Variants in ORC4 observed in about 807,000 individuals in gnomAD.
The protein encoded by ORC4 is origin recognition complex, subunit 4 homolog.
A neutral mutation model predicts 63.9 loss-of-function variants in ORC4; 55 were observed. The ratio of observed to expected loss-of-function variants is 0.86; its 90% CI spans 0.69 to 1.08. The LOEUF (loss-of-function observed/expected upper bound fraction) is 1.08, where lower values mean the gene tolerates loss of function less well. Among genes scored for constraint, ORC4 ranks in the 50% least tolerant of loss-of-function variants. ORC4 has a pLI of 0.00. For synonymous variants in ORC4, 150 were observed against 168.5 expected (o/e 0.89, Z 0.85); for missense variants, 511 against 504.4 (o/e 1.01, Z -0.13).
intron 11 of ORC4, 134 bp from the exon 12 acceptor site, chr2:147,938,527 A>G: frequency 4.7e-6 from 3 of 640,488 alleles, no homozygotes; most frequent in Non-Finnish European, 8.4e-6. Flanking sequence ...TCTAGATTTC[A>G]ATGTGTTTCA....
At chr2:147,994,993 G>A (rs1458016884) in intron 1 of ORC4, among the ~76,000 whole-genome samples, 1 of 152,200 alleles carries the variant, frequency 6.6e-6, no homozygotes, top group African/African-American at 2.4e-5. Context: ...CTAGAGGACT[G>A]TAAATGCACC....
At chr2:147,987,849 C>G (rs550298782) in intron 1 of ORC4, among the ~76,000 whole-genome samples, 4 of 151,846 alleles carry the variant, frequency 2.6e-5, no homozygotes, top group Admixed American at 1.3e-4. Flanking sequence ...GTGAGGAGAT[C>G]GAGACCATCC....
At chr2:147,975,303 C>T (rs1690484182) in intron 2 of ORC4, among the ~76,000 whole-genome samples, 1 of 151,996 alleles carries the variant, frequency 6.6e-6, no homozygotes, top group Non-Finnish European at 1.5e-5. Flanking sequence ...AAACACTCAA[C>T]AGATGAGGAA....
intron 4 of ORC4, among the ~76,000 whole-genome samples, chr2:147,966,694 AG>A (rs1382101496): frequency 2.0e-5 from 3 of 152,174 alleles, no homozygotes; most frequent in Non-Finnish European, 4.4e-5. Flanking sequence ...ACAAATAATG[AG>A]GTAGAATCAG....
intron 11 of ORC4, 101 bp downstream of exon 11, chr2:147,939,039 T>TA: frequency 2.7e-6 from 2 of 749,468 alleles, no homozygotes; most frequent in Non-Finnish European, 4.8e-6. Flanking sequence ...AAGTATTTTA[T>TA]AAAGCATTAT....
upstream of ORC4, chr2:148,021,429 G>T: frequency 1.8e-6 from 1 of 547,848 alleles, no homozygotes. Flanking sequence ...GAAACCAAAA[G>T]CCTCTTAGCA....
At chr2:147,994,620 A>G (rs1691820381) in intron 1 of ORC4, among the ~76,000 whole-genome samples, 1 of 152,250 alleles carries the variant, frequency 6.6e-6, no homozygotes. Flanking sequence ...TGGTAATGGA[A>G]AAACTAGACA....
chr2:147,980,345 A>G (rs1690808690), intron 1 of ORC4, among the ~76,000 whole-genome samples: 2 of 152,194 alleles, frequency 1.3e-5, no homozygotes, highest in Non-Finnish European at 2.9e-5. Context: ...TTTAAAGAAT[A>G]TGGGATATGT....
chr2:147,969,696 T>C (rs933522916), intron 4 of ORC4, among the ~76,000 whole-genome samples: 1 of 151,902 alleles, frequency 6.6e-6, no homozygotes, highest in African/African-American at 2.4e-5. Flanking sequence ...AATATTCTAA[T>C]ATTGGATATT....
At chr2:147,972,891 A>G (rs1208792066) in intron 3 of ORC4, 62 bp from the exon 4 acceptor site, 1 of 1,091,998 alleles carries the variant, frequency 9.2e-7, no homozygotes, top group African/African-American at 1.6e-5. Context: ...GTTATGTTGT[A>G]GTTTTTAAAA....
intron 4 of ORC4, among the ~76,000 whole-genome samples, chr2:147,968,107 T>G (rs917434165): frequency 1.3e-5 from 2 of 152,034 alleles, no homozygotes; most frequent in Non-Finnish European, 2.9e-5. Context: ...AGAATTAAAC[T>G]AGATTCCCAT....
At chr2:147,937,102 A>C (rs1261814262) in intron 13 of ORC4, 1 of 152,070 alleles carries the variant, frequency 6.6e-6, no homozygotes, top group Non-Finnish European at 1.5e-5. Flanking sequence ...TATTAGGGGA[A>C]AAAAACCCTC....
At chr2:147,972,569 A>G (rs1187802513) in intron 4 of ORC4, among the ~76,000 whole-genome samples, 170 bp downstream of exon 4, 1 of 152,132 alleles carries the variant, frequency 6.6e-6, no homozygotes, top group Non-Finnish European at 1.5e-5. Context: ...ATAAAGTTTT[A>G]CATGTCTTCT....
intron 1 of ORC4, among the ~76,000 whole-genome samples, chr2:147,994,527 A>G (rs1691813460): frequency 6.6e-6 from 1 of 152,242 alleles, no homozygotes; most frequent in African/African-American, 2.4e-5. Context: ...GCCCAGAAAT[A>G]GGCCCACATA....
intron 4 of ORC4, among the ~76,000 whole-genome samples, chr2:147,972,186 T>A (rs1357746982): frequency 6.6e-6 from 1 of 151,910 alleles, no homozygotes; most frequent in Non-Finnish European, 1.5e-5. Flanking sequence ...ACTAAGCAAA[T>A]ATGATAAAGA....
At chr2:147,958,149 T>C (rs1411478838) in intron 6 of ORC4, 149 bp downstream of exon 6, 11 of 604,318 alleles carry the variant, frequency 1.8e-5, no homozygotes, top group Non-Finnish European at 2.6e-5. Context: ...ATGTATCCTA[T>C]ACATTACACA....
In ORC4 at chr2:147,932,291, C is replaced by G. The variant is rs956527187; in HGVS notation, c.*3219G>C. ...TCAAGGAGAACTACAAGCTACTGCT[C>G]AAGGAAATAAAAGAGGATACAAACA... On this transcript the variant is annotated 3_prime_UTR_variant, in exon 14 of 14. Coordinates refer to ENST00000392857, the MANE Select transcript of ORC4 (RefSeq NM_181741.4). 6.6e-6 allele frequency: 1 copy of G among 152,008 alleles called. No individual in the cohort carries two copies. Among genetic ancestry groups the G allele is most frequent in the Admixed American group, 6.6e-5 (1 of 15,242 alleles). The allele number at this position is 152,008 out of a possible 1,614,324, so 9.4% of individuals were successfully genotyped here.
Position 147,931,644 on chromosome 2 carries a change from G to C in ORC4, c.*3866C>G, listed in dbSNP as rs560908190. On this transcript the variant is annotated 3_prime_UTR_variant, in exon 14 of 14. Coordinates refer to ENST00000392857, the MANE Select transcript of ORC4 (RefSeq NM_181741.4). Reference sequence around the variant, plus strand: ...GGCTTCATCCCTGGGATGCAAGGCTGGTTCAATATACGCAAATCAATGAAT... The same window carrying C: ...GGCTTCATCCCTGGGATGCAAGGCTCGTTCAATATACGCAAATCAATGAAT... The C allele has an allele frequency of 6.2e-4, 95 of 152,210 alleles. No individual in the cohort carries two copies. Among genetic ancestry groups the C allele is most frequent in the African/African-American group, 2.2e-3 (91 of 41,522 alleles). The allele number at this position is 152,210 out of a possible 1,614,324, so 9.4% of individuals were successfully genotyped here.
At chr2:147,997,499 A>G (rs1403257044) in intron 1 of ORC4, among the ~76,000 whole-genome samples, 2 of 152,168 alleles carry the variant, frequency 1.3e-5, no homozygotes, top group African/African-American at 2.4e-5. Flanking sequence ...ATTCAAGAGC[A>G]TAATTCCTAA....
Sources: allele counts gnomAD v4.1 joint callset (sites outside exome capture counted in the v4.1 genomes callset), GRCh38; gene constraint gnomAD v4.1.1; transcripts MANE v1.5; gene names NCBI Gene and HGNC (gene_info 2026-07-23, HGNC 2026-07-21).